The following STK3 variants were observed in gnomAD, a reference collection of about 807,000 sequenced individuals.
The protein encoded by STK3 is serine/threonine kinase 3.
Under a neutral mutation model 58.0 loss-of-function variants are expected in STK3, and 41 were observed. The ratio of observed to expected loss-of-function variants is 0.71; its 90% CI spans 0.55 to 0.92. The LOEUF is 0.92. Among genes scored for constraint, STK3 ranks in the 40% least tolerant of loss-of-function variants. The pLI is 0.00. For missense variants in STK3, 479 were observed against 602.7 expected (o/e 0.79, Z 2.15); for synonymous variants, 170 against 191.0 (o/e 0.89, Z 0.91).
chr8:98,346,626 A>T, the STK3 span, among the ~76,000 whole-genome samples: 1 of 151,990 alleles, frequency 6.6e-6, no homozygotes, highest in Non-Finnish European at 1.5e-5. Context: ...AGGGACAAAG[A>T]TAAGGATAAC....
rs1189692377 is a variant in STK3, at chr8:98,712,556, A to C, written c.352-5245T>G. Among the ~76,000 whole-genome samples the C allele has an allele frequency of 2.0e-5, 3 of 151,526 alleles. No individual in the cohort carries two copies. In the East Asian group the frequency reaches 5.8e-4, roughly 29 times the overall value. On this transcript the variant is annotated intron_variant, in intron 4 of 10. Coordinates refer to ENST00000419617, the MANE Select transcript of STK3 (RefSeq NM_006281.4). The stretch of plus-strand genomic sequence containing the variant: ...CAAAGAAGGCCATTACATAATGGTA[A>C]AGGGATCAATTCAACAAGAAGAGCT...
At chr8:98,449,807 G>A (rs1819117333), downstream of STK3, among the ~76,000 whole-genome samples, 1 of 152,198 alleles carries the variant, frequency 6.6e-6, no homozygotes, top group African/African-American at 2.4e-5. Flanking sequence ...TACTGCGTTA[G>A]TTCTCCGGAA....
chr8:98,805,879 C>T (rs1252623011), intron 1 of STK3, among the ~76,000 whole-genome samples: 1 of 152,076 alleles, frequency 6.6e-6, no homozygotes, highest in East Asian at 1.9e-4. Flanking sequence ...TCCTTAAAGA[C>T]ACAATCAAAA....
intron 6 of STK3, among the ~76,000 whole-genome samples, chr8:98,659,160 G>C (rs560029918): frequency 9.2e-5 from 14 of 151,950 alleles, no homozygotes; most frequent in Non-Finnish European, 1.6e-4. Flanking sequence ...CCATCATTAA[G>C]CAATGCATGA....
chr8:98,368,955 T>G (rs1287154166), downstream of STK3, among the ~76,000 whole-genome samples: 1 of 152,216 alleles, frequency 6.6e-6, no homozygotes, highest in Non-Finnish European at 1.5e-5. Context: ...ACTGGACATG[T>G]CTGAGATCCC....
chr8:98,494,891 T>C (rs1055882657), intron 10 of STK3, among the ~76,000 whole-genome samples: 1 of 152,138 alleles, frequency 6.6e-6, no homozygotes, highest in African/African-American at 2.4e-5. Context: ...GGAGCCCAAC[T>C]GTGAAGGGAC....
At chr8:98,441,369 C>T (rs1818689843) in intron 1 of STK3, among the ~76,000 whole-genome samples, 1 of 152,128 alleles carries the variant, frequency 6.6e-6, no homozygotes, top group South Asian at 2.1e-4. Flanking sequence ...AAAAATCAAC[C>T]TCATTCTTTT....
intron 10 of STK3, among the ~76,000 whole-genome samples, chr8:98,460,530 T>A (rs1167909438): frequency 6.6e-6 from 1 of 152,124 alleles, no homozygotes; most frequent in African/African-American, 2.4e-5. Context: ...GGACATGAGA[T>A]TTGGGAGGAG....
chr8:98,923,225 G>A (rs1839640402), intron 1 of STK3, among the ~76,000 whole-genome samples: 1 of 152,206 alleles, frequency 6.6e-6, no homozygotes, highest in African/African-American at 2.4e-5. Flanking sequence ...AAAAAGAACA[G>A]TAATAATGCA....
intron 6 of STK3, among the ~76,000 whole-genome samples, chr8:98,665,361 T>C (rs548916438): frequency 3.9e-5 from 6 of 152,270 alleles, no homozygotes; most frequent in African/African-American, 1.4e-4. Flanking sequence ...GTATCCCCAT[T>C]GAAGTAGCTG....
chr8:98,791,490 C>A (rs997345834), intron 1 of STK3, among the ~76,000 whole-genome samples: 3 of 152,022 alleles, frequency 2.0e-5, no homozygotes, highest in Non-Finnish European at 4.4e-5. Flanking sequence ...CATATGGAAC[C>A]AAAAAAGAGC....
At chr8:98,591,260 A>G (rs1815288106) in intron 7 of STK3, among the ~76,000 whole-genome samples, 1 of 152,228 alleles carries the variant, frequency 6.6e-6, no homozygotes. Context: ...AATATTCTAT[A>G]GTGTACTGTG....
At chr8:98,852,839 C>G (rs1836527507) in intron 3 of STK3, among the ~76,000 whole-genome samples, 1 of 152,080 alleles carries the variant, frequency 6.6e-6, no homozygotes, top group Non-Finnish European at 1.5e-5. Flanking sequence ...CTCAAGGGAC[C>G]ATTTTTTCCA....
At chr8:98,571,175 CA>C (rs1360729319) in intron 8 of STK3, among the ~76,000 whole-genome samples, 1 of 151,892 alleles carries the variant, frequency 6.6e-6, no homozygotes, top group East Asian at 1.9e-4. Flanking sequence ...ACTAAAAATA[CA>C]AAAATTAGCT....
chr8:98,592,138 G>T (rs1243036513), intron 7 of STK3, among the ~76,000 whole-genome samples: 1 of 151,900 alleles, frequency 6.6e-6, no homozygotes, highest in Non-Finnish European at 1.5e-5. Flanking sequence ...ACATTCTCTT[G>T]TTTACATATG....
At chr8:98,588,261 G>C (rs966360871) in intron 7 of STK3, among the ~76,000 whole-genome samples, 1 of 151,732 alleles carries the variant, frequency 6.6e-6, no homozygotes, top group Admixed American at 6.6e-5. Flanking sequence ...CATTTTTAGC[G>C]CTTCCTTCAG....
At chr8:98,599,376 T>C (rs1464207559) in intron 6 of STK3, among the ~76,000 whole-genome samples, 2 of 151,906 alleles carry the variant, frequency 1.3e-5, no homozygotes, top group East Asian at 1.9e-4. Context: ...AGGCCAATAC[T>C]GGACATGAGT....
intron 1 of STK3, among the ~76,000 whole-genome samples, chr8:98,814,490 C>T (rs977405312): frequency 5.3e-5 from 8 of 151,372 alleles, no homozygotes; most frequent in African/African-American, 1.9e-4. Flanking sequence ...CAAAGGCATG[C>T]GCCACCACGC....
intron 3 of STK3, among the ~76,000 whole-genome samples, chr8:98,870,900 G>A (rs1020825814): frequency 6.6e-6 from 1 of 152,170 alleles, no homozygotes; most frequent in Non-Finnish European, 1.5e-5. Flanking sequence ...TGATGTTTTA[G>A]TCACGAAGTC....
Sources: allele counts gnomAD v4.1 joint callset (sites outside exome capture counted in the v4.1 genomes callset), GRCh38; gene constraint gnomAD v4.1.1; transcripts MANE v1.5; gene names NCBI Gene and HGNC (gene_info 2026-07-23, HGNC 2026-07-21).